The following RAP2A variants were observed in gnomAD, a reference collection of about 807,000 sequenced individuals.
RAP2A encodes ras-related protein Rap-2a.
RAP2A carries 5 observed loss-of-function variants against 15.1 expected under a neutral mutation model. The ratio of observed to expected loss-of-function variants is 0.33; its 90% CI spans 0.17 to 0.70. RAP2A has a LOEUF of 0.70. Ranked by LOEUF, RAP2A falls within the 30% of genes least tolerant of loss-of-function variation. The pLI is 0.68. For missense variants in RAP2A, 111 were observed against 240.3 expected (o/e 0.46, Z 3.56); for synonymous variants, 110 against 99.7 (o/e 1.10, Z -0.62).
intron 1 of RAP2A, among the ~76,000 whole-genome samples, chr13:97,439,550 C>T (rs1159568461): frequency 6.6e-6 from 1 of 152,108 alleles, no homozygotes; most frequent in African/African-American, 2.4e-5. Context: ...AGATTATTTT[C>T]AGTTTTGGAG....
intron 1 of RAP2A, among the ~76,000 whole-genome samples, chr13:97,455,935 C>T (rs2066720876): frequency 1.3e-5 from 2 of 151,288 alleles, no homozygotes; most frequent in Admixed American, 1.3e-4. Flanking sequence ...TGGGGTCATC[C>T]TTCTGGTAAA....
chr13:97,451,593 T>C (rs2066702517), intron 1 of RAP2A, among the ~76,000 whole-genome samples: 1 of 152,140 alleles, frequency 6.6e-6, no homozygotes, highest in Non-Finnish European at 1.5e-5. Context: ...ATCTGGATAG[T>C]TTCTAGGTAG....
At chr13:97,441,322 TTTAAA>T (rs1280457476) in intron 1 of RAP2A, among the ~76,000 whole-genome samples, 1 of 152,092 alleles carries the variant, frequency 6.6e-6, no homozygotes, top group Admixed American at 6.6e-5. Flanking sequence ...GCAAAAATAA[TTTAAA>T]TTATTAAACA....
At chr13:97,447,907 C>T (rs952790034) in intron 1 of RAP2A, among the ~76,000 whole-genome samples, 1 of 152,080 alleles carries the variant, frequency 6.6e-6, no homozygotes, top group African/African-American at 2.4e-5. Context: ...AAAGGTAGCA[C>T]ACCTGGCTTC....
intron 1 of RAP2A, chr13:97,441,640 T>A: frequency 3.4e-6 from 1 of 296,348 alleles, no homozygotes; most frequent in Non-Finnish European, 6.6e-6. Flanking sequence ...CTTTAGAACC[T>A]TACTGCCTAG....
At chr13:97,458,064 T>C (rs531131096) in intron 1 of RAP2A, among the ~76,000 whole-genome samples, 7 of 152,160 alleles carry the variant, frequency 4.6e-5, no homozygotes, top group African/African-American at 1.7e-4. Context: ...TGCCTGTAGG[T>C]ATGAGTTCCA....
At chr13:97,441,638 C>A in intron 1 of RAP2A, 1 of 286,942 alleles carries the variant, frequency 3.5e-6, no homozygotes, top group Non-Finnish European at 6.9e-6. Flanking sequence ...GTCTTTAGAA[C>A]CTTACTGCCT....
At chr13:97,441,616 C>CT (rs1255820720) in intron 1 of RAP2A, among the ~76,000 whole-genome samples, 2 of 151,826 alleles carry the variant, frequency 1.3e-5, no homozygotes, top group Non-Finnish European at 2.9e-5. Context: ...TTTCAGTTCT[C>CT]TTTTAGTCAT....
chr13:97,446,836 G>C (rs182043845), intron 1 of RAP2A, among the ~76,000 whole-genome samples: 41 of 152,316 alleles, frequency 2.7e-4, no homozygotes, highest in Middle Eastern at 3.4e-3. Flanking sequence ...AGACCTCTGA[G>C]TGGCCCCAGT....
chr13:97,453,734 A>G (rs946529452), intron 1 of RAP2A, among the ~76,000 whole-genome samples: 6 of 150,136 alleles, frequency 4.0e-5, no homozygotes, highest in Non-Finnish European at 7.4e-5. Context: ...CAAGGGTGCA[A>G]TTTTTCACTC....
At chr13:97,445,043 A>G (rs2066673921) in intron 1 of RAP2A, among the ~76,000 whole-genome samples, 1 of 152,184 alleles carries the variant, frequency 6.6e-6, no homozygotes, top group African/African-American at 2.4e-5. Context: ...AATGGCTCCC[A>G]CAAACCTCCT....
chr13:97,451,628 A>G (rs1295296717), intron 1 of RAP2A, among the ~76,000 whole-genome samples: 1 of 151,676 alleles, frequency 6.6e-6, no homozygotes, highest in African/African-American at 2.4e-5. Context: ...GCTACTAAGA[A>G]CATTCTAGTA....
At chr13:97,445,721 G>T (rs777862488) in intron 1 of RAP2A, among the ~76,000 whole-genome samples, 5 of 152,166 alleles carry the variant, frequency 3.3e-5, no homozygotes, top group Admixed American at 6.5e-5. Flanking sequence ...AGCTGTGTGT[G>T]AGCTCAGTCA....
At chr13:97,443,068 G>A (rs1401286934) in intron 1 of RAP2A, among the ~76,000 whole-genome samples, 1 of 152,172 alleles carries the variant, frequency 6.6e-6, no homozygotes, top group Non-Finnish European at 1.5e-5. Flanking sequence ...TTGAATACAT[G>A]AGTGCGGGAT....
chr13:97,443,360 A>G (rs2066665885), intron 1 of RAP2A, among the ~76,000 whole-genome samples: 1 of 152,238 alleles, frequency 6.6e-6, no homozygotes, highest in Non-Finnish European at 1.5e-5. Flanking sequence ...TCTACTAAGT[A>G]TCTTTACAGC....
intron 1 of RAP2A, among the ~76,000 whole-genome samples, chr13:97,436,379 G>A (rs2066634473): frequency 6.6e-6 from 1 of 152,022 alleles, no homozygotes; most frequent in African/African-American, 2.4e-5. Context: ...CCAACTGCAG[G>A]GTAGTCTGAT....
chr13:97,438,840 C>T (rs2066644932), intron 1 of RAP2A, among the ~76,000 whole-genome samples: 1 of 152,030 alleles, frequency 6.6e-6, no homozygotes, highest in Admixed American at 6.5e-5. Context: ...ACATAGGAAA[C>T]AAGAAAAAAT....
At chr13:97,454,755 T>C (rs1489601210) in intron 1 of RAP2A, among the ~76,000 whole-genome samples, 1 of 151,544 alleles carries the variant, frequency 6.6e-6, no homozygotes, top group Non-Finnish European at 1.5e-5. Context: ...TGATACTATT[T>C]TCCTTCAGCC....
intron 1 of RAP2A, among the ~76,000 whole-genome samples, chr13:97,459,680 A>G (rs1594327887): frequency 6.6e-6 from 1 of 152,176 alleles, no homozygotes. Flanking sequence ...ATCTTTGTTC[A>G]CAGCCACTTT....
Sources: allele counts gnomAD v4.1 joint callset (sites outside exome capture counted in the v4.1 genomes callset), GRCh38; gene constraint gnomAD v4.1.1; transcripts MANE v1.5; gene names NCBI Gene and HGNC (gene_info 2026-07-23, HGNC 2026-07-21).